The following NDUFAF6 variants were observed in gnomAD, a reference collection of about 807,000 sequenced individuals.
The protein encoded by NDUFAF6 is NADH dehydrogenase (ubiquinone) complex I, assembly factor 6.
NDUFAF6 carries 45 observed loss-of-function variants against 40.8 expected under a neutral mutation model. The ratio of observed to expected loss-of-function variants is 1.10; its 90% CI spans 0.87 to 1.42. The LOEUF is 1.42. NDUFAF6 is among the 40% of genes most tolerant of loss of function. NDUFAF6 has a pLI of 0.00. For synonymous variants in NDUFAF6, 185 were observed against 155.9 expected (o/e 1.19, Z -1.39); for missense variants, 435 against 418.5 (o/e 1.04, Z -0.34).
chr8:95,007,715 G>T (rs1469233452), intron 2 of NDUFAF6, among the ~76,000 whole-genome samples: 1 of 137,370 alleles, frequency 7.3e-6, no homozygotes. Context: ...ATGTAGTTTA[G>T]TCATGGATCT....
At chr8:94,986,108 C>T (rs1386367698) in intron 2 of NDUFAF6, among the ~76,000 whole-genome samples, 2 of 151,814 alleles carry the variant, frequency 1.3e-5, no homozygotes, top group East Asian at 1.9e-4. Flanking sequence ...CTCCTGACCT[C>T]GTGATCTGCC....
chr8:94,937,440 C>CAAA (rs1173351669), intron 1 of NDUFAF6, among the ~76,000 whole-genome samples: 1,113 of 93,666 alleles, frequency 0.012, 19 homozygotes, highest in Middle Eastern at 0.053. Context: ...GACTCCATCT[C>CAAA]AAAAAAAAAA....
At chr8:95,025,248 C>G in intron 1 of NDUFAF6, 43 bp downstream of exon 1, 2 of 1,355,394 alleles carry the variant, frequency 1.5e-6, no homozygotes, top group South Asian at 1.8e-5. Context: ...GAAGCGGGGT[C>G]CCGGGGTGGG....
At chr8:94,904,324 T>C (rs1356197300) in intron 1 of NDUFAF6, among the ~76,000 whole-genome samples, 15 of 44,396 alleles carry the variant, frequency 3.4e-4, no homozygotes, top group Non-Finnish European at 5.3e-4. Flanking sequence ...TTTTTGCTTT[T>C]TTTTTTTTTT....
chr8:94,938,910 A>C (rs1821253685), intron 1 of NDUFAF6, among the ~76,000 whole-genome samples: 1 of 152,236 alleles, frequency 6.6e-6, no homozygotes, highest in South Asian at 2.1e-4. Flanking sequence ...TGAGATTGGC[A>C]TCAGAAATGG....
chr8:94,913,181 A>G (rs1374509951), intron 1 of NDUFAF6, among the ~76,000 whole-genome samples: 1 of 152,232 alleles, frequency 6.6e-6, no homozygotes, highest in African/African-American at 2.4e-5. Flanking sequence ...GGAGAGTAAC[A>G]TCAGTGCCTG....
rs572116815 is a variant in NDUFAF6 at position 94,927,211 on chromosome 8, GAAT to G, written c.-935-18268_-935-18266del. 7 of 152,616 alleles carry G rather than the reference GAAT, an allele frequency of 4.6e-5. 1 individual carries two copies. In the South Asian group the frequency reaches 1.5e-3, roughly 32 times the overall value. 9.5% of individuals were successfully genotyped at this position (152,616 alleles called of 1,614,324 possible). A position where few individuals can be genotyped will look rare whatever the true frequency, so the allele number is the denominator to read the frequency against. ...TTTGTTTCCAACTCAGAGAAAATGA[GAAT>G]AATGAAGATACTCTTCCTTGCTCGT... On this transcript the variant is annotated intron_variant, in intron 1 of 14. Transcript: ENST00000396113.
At chr8:95,093,910 C>T (rs957133383) in intron 2 of NDUFAF6, among the ~76,000 whole-genome samples, 24 of 152,106 alleles carry the variant, frequency 1.6e-4, no homozygotes, top group Admixed American at 1.4e-3. Flanking sequence ...AATTAGCTAC[C>T]TTCTTTTCTT....
At chr8:94,991,190 AAC>A (rs1298952618) in intron 2 of NDUFAF6, among the ~76,000 whole-genome samples, 1 of 152,232 alleles carries the variant, frequency 6.6e-6, no homozygotes, top group Non-Finnish European at 1.5e-5. Flanking sequence ...GAAAGAAACA[AAC>A]ACAAACCACT....
chr8:94,960,309 A>G (rs189841789), intron 1 of NDUFAF6, among the ~76,000 whole-genome samples: 5 of 152,310 alleles, frequency 3.3e-5, no homozygotes, highest in African/African-American at 9.6e-5. Flanking sequence ...AGACAGGTCA[A>G]ACTCCCAACC....
At chr8:94,928,152 G>A (rs553926404) in intron 1 of NDUFAF6, 204 of 152,052 alleles carry the variant, frequency 1.3e-3, no homozygotes, top group African/African-American at 4.7e-3. Flanking sequence ...TTGAAAAAAA[G>A]CCCAACGAAT....
intron 4 of NDUFAF6, among the ~76,000 whole-genome samples, chr8:95,113,888 C>T (rs1162212975): frequency 6.6e-6 from 1 of 151,720 alleles, no homozygotes; most frequent in Admixed American, 6.6e-5. Flanking sequence ...CCATCATTCT[C>T]AGTAAACTAT....
chr8:95,005,795 T>C (rs1826951464), intron 2 of NDUFAF6, among the ~76,000 whole-genome samples: 1 of 151,756 alleles, frequency 6.6e-6, no homozygotes, highest in Non-Finnish European at 1.5e-5. Flanking sequence ...GTCTCAAAGA[T>C]AGAATGTCTC....
intron 1 of NDUFAF6, 146 bp downstream of exon 1, chr8:95,025,351 G>A: frequency 1.3e-6 from 1 of 792,174 alleles, no homozygotes; most frequent in South Asian, 3.0e-5. Flanking sequence ...TGGGCGTCGG[G>A]TGCGGGTGTG....
intron 1 of NDUFAF6, among the ~76,000 whole-genome samples, chr8:94,939,121 A>G (rs915323206): frequency 2.0e-5 from 3 of 152,202 alleles, no homozygotes; most frequent in Non-Finnish European, 4.4e-5. Flanking sequence ...TGCAGGAAGA[A>G]ACTGAGTTTG....
chr8:95,075,691 A>G (rs1462111118), exon 10 of NDUFAF6: 2 of 1,288,042 alleles, frequency 1.6e-6, no homozygotes, highest in Non-Finnish European at 2.0e-6. Context: ...AGCCTGGGAA[A>G]ATGAAGCCAA....
At chr8:94,932,977 G>T (rs565626903) in intron 1 of NDUFAF6, among the ~76,000 whole-genome samples, 56 of 152,296 alleles carry the variant, frequency 3.7e-4, no homozygotes, top group African/African-American at 1.3e-3. Flanking sequence ...AGAACTTTGG[G>T]AGGTCAAGGT....
intron 1 of NDUFAF6, among the ~76,000 whole-genome samples, chr8:94,969,678 G>A (rs1824297211): frequency 6.6e-6 from 1 of 151,918 alleles, no homozygotes; most frequent in African/African-American, 2.4e-5. Flanking sequence ...CAAAGCACAA[G>A]GGAAAACACT....
At chr8:95,047,760 C>T (rs1459349265) in intron 6 of NDUFAF6, among the ~76,000 whole-genome samples, 1 of 151,970 alleles carries the variant, frequency 6.6e-6, no homozygotes, top group African/African-American at 2.4e-5. Context: ...TCGCTTGCCT[C>T]GGCCTCCCAA....
Sources: allele counts gnomAD v4.1 joint callset (sites outside exome capture counted in the v4.1 genomes callset), GRCh38; gene constraint gnomAD v4.1.1; transcripts MANE v1.5; gene names NCBI Gene and HGNC (gene_info 2026-07-23, HGNC 2026-07-21).